Variants in SUGT1 observed in about 807,000 individuals in gnomAD.
SUGT1 encodes SGT1 assembly cochaperone of MIS12 kinetochore complex, also known as protein SGT1 homolog.
A neutral mutation model predicts 56.1 loss-of-function variants in SUGT1; 15 were observed. That is an observed-to-expected ratio of 0.27 (90% CI 0.18 to 0.41). The LOEUF is 0.41. Ranked by LOEUF, SUGT1 falls within the 10% of genes least tolerant of loss-of-function variation. SUGT1 has a pLI of 1.00. For missense variants in SUGT1, 347 were observed against 382.2 expected (o/e 0.91, Z 0.77); for synonymous variants, 123 against 128.6 (o/e 0.96, Z 0.30).
chr13:52,664,194 T>G (rs1315516669), intron 8 of SUGT1, 137 bp downstream of exon 8: 1 of 827,546 alleles, frequency 1.2e-6, no homozygotes, highest in Non-Finnish European at 1.9e-6. Flanking sequence ...TGTAATAGCT[T>G]TATGTAAAGC....
chr13:52,673,254 T>TG lies in SUGT1; in HGVS notation c.628-2976_628-2975insG, dbSNP rs1192838038. ...CTCCCTTCTTTTACTTTTTTTTTTT[T>TG]TGTGTGGGGGTAGATAGGGTCTCAC... is the stretch of plus-strand genomic sequence containing the variant. On this transcript the variant is annotated intron_variant, in intron 10 of 12. Transcript: ENST00000310528. 2.3e-3 allele frequency among the ~76,000 whole-genome samples: 43 copies of TG among 18,808 alleles called. 2 individuals carry two copies. In the East Asian group the frequency reaches 0.13, roughly 56 times the overall value. The allele number at this position is 18,808 out of a possible 152,430, so 12.3% of individuals were successfully genotyped here. A position where few individuals can be genotyped will look rare whatever the true frequency, so the allele number is the denominator to read the frequency against.
At chr13:52,681,195 C>T (rs1026052993) in intron 12 of SUGT1, among the ~76,000 whole-genome samples, 1 of 150,530 alleles carries the variant, frequency 6.6e-6, no homozygotes, top group Non-Finnish European at 1.5e-5. Context: ...GTGGGAGGAT[C>T]ACTTGAGCTA....
intron 10 of SUGT1, among the ~76,000 whole-genome samples, chr13:52,670,187 T>C (rs1176795223): frequency 2.6e-5 from 4 of 152,206 alleles, no homozygotes; most frequent in Admixed American, 6.5e-5. Context: ...TTGAGTGATA[T>C]GTAATTTGTG....
In SUGT1 at chr13:52,680,115, A is replaced by G; in HGVS notation, c.860A>G (p.Asp287Gly). 1 of 1,591,672 alleles carries G rather than the reference A, an allele frequency of 6.3e-7. No individual in the cohort carries two copies. ...LNRLFQQIYSDGSDEVKRAMN... is the reference protein window; with the variant it reads ...LNRLFQQIYSGGSDEVKRAMN... ...AGATTATTTCAGCAGATCTATTCAG[A>G]TGGTTCTGATGAAGTGAAACGTGCC... Residue 287 changes from aspartate (D) to glycine (G), a missense_variant, in exon 12 of 13, where the codon GAT becomes GGT. Physicochemically the swap from Asp to Gly is moderately conservative, Grantham distance 94. Transcript: ENST00000310528.
chr13:52,659,589 C>G (rs1962325582), intron 5 of SUGT1, among the ~76,000 whole-genome samples: 1 of 151,602 alleles, frequency 6.6e-6, no homozygotes, highest in Non-Finnish European at 1.5e-5. Flanking sequence ...TTAAATTATT[C>G]AGATTGCTGA....
Position 52,659,168 on chromosome 13 carries a change from T to C in SUGT1, c.258-11T>C. The C allele has an allele frequency of 6.6e-7, 1 of 1,519,334 alleles. No homozygotes were observed. The highest frequency in any genetic ancestry group is 8.8e-7 in the Non-Finnish European group (1 of 1,140,672). 94.1% of individuals were successfully genotyped at this position (1,519,334 alleles called of 1,614,324 possible). ...TGTGTGTCTTAATTTGTTTTAAATA[T>C]ATTCATGCAGAATATGTGAATACCA... On this transcript the variant is annotated splice_polypyrimidine_tract_variant and intron_variant, in intron 4 of 12. Transcript: ENST00000310528.
chr13:52,664,016 AAATC>A lies in SUGT1; in HGVS notation c.400-14_400-11del, dbSNP rs774669833. 37 of 1,612,570 alleles carry A rather than the reference AAATC, an allele frequency of 2.3e-5. No homozygotes were observed. The highest frequency in any genetic ancestry group is 1.1e-4 in the South Asian group (10 of 90,830). ...AAAATCTTTCTCTTTCAACTTACCA[AAATC>A]AATCTGCATCCCAGTGGACTCATCA... On this transcript the variant is annotated splice_polypyrimidine_tract_variant and intron_variant, in intron 7 of 12. Transcript: ENST00000310528.
At chr13:52,667,290 C>T (rs771909378) in intron 10 of SUGT1, among the ~76,000 whole-genome samples, 7 of 152,158 alleles carry the variant, frequency 4.6e-5, no homozygotes, top group Non-Finnish European at 1.0e-4. Flanking sequence ...TTTTGTCACC[C>T]TACCTCATGC....
chr13:52,676,713 A>G (rs995314194), intron 11 of SUGT1, among the ~76,000 whole-genome samples: 3 of 152,024 alleles, frequency 2.0e-5, no homozygotes, highest in Non-Finnish European at 2.9e-5. Flanking sequence ...TGTTCCTTCT[A>G]CTGATACTGT....
In SUGT1 at chr13:52,676,232, T is replaced by A. The variant is rs546291389; in HGVS notation, c.630T>A (p.Ile210=). The change falls in exon 11 of 13, where the codon ATT becomes ATA. Residue 210 remains isoleucine, a splice_region_variant and synonymous_variant. Transcript: ENST00000310528. The part of the protein sequence containing the change: ...QSTFKVLSTK[I]EIKLKKPEAV... Reference sequence around the variant, plus strand: ...AGTTTATTTGGTGTTTCCTCCAGATTGAAATTAAACTGAAAAAGCCAGAGG... The same window carrying A: ...AGTTTATTTGGTGTTTCCTCCAGATAGAAATTAAACTGAAAAAGCCAGAGG... The A allele has an allele frequency of 1.2e-6, 2 of 1,610,018 alleles. No individual in the cohort carries two copies. Among genetic ancestry groups the A allele is most frequent in the South Asian group, 2.2e-5 (2 of 90,036 alleles).
chr13:52,671,690 C>T (rs1201982148), intron 10 of SUGT1, among the ~76,000 whole-genome samples: 1 of 152,108 alleles, frequency 6.6e-6, no homozygotes, highest in African/African-American at 2.4e-5. Context: ...TCTTTTCATA[C>T]ATAGTGTCAT....
chr13:52,664,867 G>T (rs768286220), intron 8 of SUGT1, among the ~76,000 whole-genome samples: 4 of 152,078 alleles, frequency 2.6e-5, no homozygotes, highest in African/African-American at 9.7e-5. Flanking sequence ...CTTAATATAC[G>T]TGTACCGGAC....
chr13:52,678,668 AT>A (rs1308209121), intron 11 of SUGT1, among the ~76,000 whole-genome samples: 2 of 109,500 alleles, frequency 1.8e-5, no homozygotes, highest in Non-Finnish European at 1.7e-5. Flanking sequence ...AAATATCTTC[AT>A]TTTTTTTGTT....
At position 52,690,615 on chromosome 13, in the gene SUGT1, A is replaced by G. The variant is rs1279064183; in HGVS notation, c.*2780A>G. 1 of 152,134 alleles carries G rather than the reference A, an allele frequency of 6.6e-6. No individual in the cohort carries two copies. The highest frequency in any genetic ancestry group is 1.5e-5 in the Non-Finnish European group (1 of 68,024). The allele number at this position is 152,134 out of a possible 1,614,324, so 9.4% of individuals were successfully genotyped here. Reference sequence around the variant, plus strand: ...TCTTCAAAGAATCTTGAATAGAATAATCTGCTTTTTGAACTCTGCTATCTA... The same window carrying G: ...TCTTCAAAGAATCTTGAATAGAATAGTCTGCTTTTTGAACTCTGCTATCTA... On this transcript the variant is annotated 3_prime_UTR_variant, in exon 13 of 13. Coordinates refer to ENST00000310528, the MANE Select transcript of SUGT1 (RefSeq NM_006704.5).
At chr13:52,672,985 C>G (rs947600653) in intron 10 of SUGT1, among the ~76,000 whole-genome samples, 6 of 152,120 alleles carry the variant, frequency 3.9e-5, no homozygotes, top group Admixed American at 3.9e-4. Context: ...AGAGCCTTCC[C>G]TGTACATATG....
chr13:52,656,873 CATT>C (rs1427884493), intron 2 of SUGT1, among the ~76,000 whole-genome samples: 1 of 152,210 alleles, frequency 6.6e-6, no homozygotes, highest in Admixed American at 6.5e-5. Context: ...TCTCTTACAT[CATT>C]ATTTTTCCAG....
chr13:52,663,138 T>C, intron 7 of SUGT1, 26 bp downstream of exon 7: 1 of 1,603,576 alleles, frequency 6.2e-7, no homozygotes, highest in African/African-American at 1.3e-5. Flanking sequence ...TCATTCTTCA[T>C]GTTTTTATTA....
chr13:52,676,364 G>T, intron 11 of SUGT1, 44 bp downstream of exon 11: 1 of 1,476,816 alleles, frequency 6.8e-7, no homozygotes, highest in Non-Finnish European at 9.2e-7. Flanking sequence ...ATATTGTGTT[G>T]TGTAATTGAA....
At chr13:52,669,905 GCTTA>G (rs1463731128) in intron 10 of SUGT1, among the ~76,000 whole-genome samples, 1 of 152,250 alleles carries the variant, frequency 6.6e-6, no homozygotes, top group East Asian at 1.9e-4. Flanking sequence ...GGTTACTGAG[GCTTA>G]CTTCGTGGAC....
Sources: gnomAD v4.1 joint callset for allele counts (sites outside exome capture counted in the v4.1 genomes callset) on GRCh38, gnomAD v4.1.1 for gene constraint, MANE v1.5 for transcripts, NCBI Gene and HGNC (gene_info 2026-07-23, HGNC 2026-07-21) for gene names.